Variants in ENGASE observed in about 807,000 individuals in gnomAD.
ENGASE encodes endo-beta-N-acetylglucosaminidase.
Under a neutral mutation model 78.5 loss-of-function variants are expected in ENGASE, and 69 were observed. The ratio of observed to expected loss-of-function variants is 0.88; its 90% CI spans 0.72 to 1.07. The LOEUF is 1.07. Among genes scored for constraint, ENGASE ranks in the 50% least tolerant of loss-of-function variants. ENGASE has a pLI of 0.00. For missense variants in ENGASE, 943 were observed against 988.4 expected (o/e 0.95, Z 0.62); for synonymous variants, 408 against 408.9 (o/e 1.00, Z 0.03).
chr17:79,085,787 T>C (rs1011750648), intron 13 of ENGASE, 53 bp downstream of exon 13: 2 of 1,603,982 alleles, frequency 1.2e-6, no homozygotes, highest in African/African-American at 1.3e-5. Flanking sequence ...CCAGCTGGAG[T>C]GGGGGTGGAG....
chr17:79,082,457 G>A, intron 7 of ENGASE: 1 of 1,210,362 alleles, frequency 8.3e-7, no homozygotes, highest in Non-Finnish European at 1.0e-6. Flanking sequence ...CGAGGACGGG[G>A]GAGGTGCCCA....
At position 79,075,131 on chromosome 17, in the gene ENGASE, T is replaced by A. The variant is rs1472141582; in HGVS notation, c.146+41T>A. 2.5e-6 allele frequency: 3 copies of A among 1,200,650 alleles called. No individual in the cohort carries two copies. In the African/African-American group the frequency reaches 4.8e-5, roughly 19 times the overall value. 74.4% of individuals were successfully genotyped at this position (1,200,650 alleles called of 1,614,324 possible). On this transcript the variant is annotated intron_variant, in intron 1 of 13. Transcript: ENST00000579016. Reference sequence around the variant, plus strand: ...CCGCGTGAACCCCGATCCGCGGGGCTGAGAGTCCGTGGCCCCGGGGCCCGA... The same window carrying A: ...CCGCGTGAACCCCGATCCGCGGGGCAGAGAGTCCGTGGCCCCGGGGCCCGA...
chr17:79,076,249 T>A (rs2072965942), intron 1 of ENGASE, among the ~76,000 whole-genome samples: 1 of 152,194 alleles, frequency 6.6e-6, no homozygotes, highest in African/African-American at 2.4e-5. Context: ...CACTGCGGTG[T>A]CTTCTTACTG....
In ENGASE at chr17:79,086,168, C is replaced by T; in HGVS notation, c.2051C>T (p.Pro684Leu). ...PGRELPRPEM[P>L]MFLGLAFATQ... is the part of the protein sequence containing the mutation. The stretch of plus-strand genomic sequence containing the variant: ...AGGGAGCTGCCGAGGCCAGAGATGC[C>T]CATGTTCCTGGGGTTGGCTTTTGCC... Residue 684 changes from proline to leucine, a missense_variant, in exon 14 of 14, where the codon CCC becomes CTC. Pro to Leu is a moderately conservative substitution (Grantham distance 98). Coordinates refer to ENST00000579016, the MANE Select transcript of ENGASE (RefSeq NM_001042573.3). 2 of 1,613,788 alleles carry T rather than the reference C, an allele frequency of 1.2e-6. No individual in the cohort carries two copies. The highest frequency in any genetic ancestry group is 1.7e-6 in the Non-Finnish European group (2 of 1,180,024).
intron 7 of ENGASE, chr17:79,082,302 C>A: frequency 7.0e-7 from 1 of 1,438,418 alleles, no homozygotes; most frequent in Admixed American, 2.2e-5. Flanking sequence ...GTGGGTGTTA[C>A]CAGACAGAGG....
intron 4 of ENGASE, 76 bp from the exon 5 acceptor site, chr17:79,080,131 G>A (rs2073088320): frequency 6.6e-7 from 1 of 1,507,802 alleles, no homozygotes; most frequent in Non-Finnish European, 8.9e-7. Context: ...GCTGGTTCGA[G>A]AACCTCGCTT....
At position 79,079,677 on chromosome 17, in the gene ENGASE, T is replaced by A. The variant is rs1329183333; in HGVS notation, c.565+40T>A. On this transcript the variant is annotated intron_variant, in intron 4 of 13. Coordinates refer to ENST00000579016, the MANE Select transcript of ENGASE (RefSeq NM_001042573.3). ...CTCACCTCTGTGTCAGCCAGACTCC[T>A]CAGCTCACCAGCCAGGGGACCCCGT... The A allele has an allele frequency of 2.5e-6, 4 of 1,595,044 alleles. No individual in the cohort carries two copies. In the Admixed American group the frequency reaches 7.0e-5, roughly 28 times the overall value.
In ENGASE at chr17:79,085,326, G is replaced by T. The variant is rs114968464; in HGVS notation, c.1684G>T (p.Gly562Trp). 1.2e-6 allele frequency: 2 copies of T among 1,611,702 alleles called. No homozygotes were observed. Among genetic ancestry groups the T allele is most frequent in the African/African-American group, 1.3e-5 (1 of 74,876 alleles). The change falls in exon 12 of 14, where the codon GGG becomes TGG. Residue 562 changes from glycine to tryptophan, a missense_variant. Coordinates refer to ENST00000579016, the MANE Select transcript of ENGASE (RefSeq NM_001042573.3). ...WVGRCGRQLS[G>W]GWVQHCYEVS... ...GGGCCGCTGCGGCCGGCAGCTGAGTGGGGGCTGGGTCCAGCAGTAAGTCCC... is the reference window on the plus strand; with the variant it reads ...GGGCCGCTGCGGCCGGCAGCTGAGTTGGGGCTGGGTCCAGCAGTAAGTCCC...
At chr17:79,077,563 C>T (rs1568085954) in intron 2 of ENGASE, 66 bp downstream of exon 2, 2 of 1,559,928 alleles carry the variant, frequency 1.3e-6, no homozygotes, top group Non-Finnish European at 1.7e-6. Flanking sequence ...CAGGTCAGCC[C>T]CTGCCCCCTC....
chr17:79,080,381 C>T lies in ENGASE; in HGVS notation c.723+17C>T. 2 of 1,610,788 alleles carry T rather than the reference C, an allele frequency of 1.2e-6. No individual in the cohort carries two copies. Among genetic ancestry groups the T allele is most frequent in the Non-Finnish European group, 1.7e-6 (2 of 1,179,652 alleles). On this transcript the variant is annotated intron_variant, in intron 5 of 13. Transcript: ENST00000579016. ...TCGCTGAGTGTGAGTGCCCAGCCCT[C>T]ACCCACCTCCCCGCCCCTTGCTGTG...
Position 79,082,326 on chromosome 17 carries a change from C to T in ENGASE, c.1038+263C>T, listed in dbSNP as rs755517159. The T allele has an allele frequency of 1.2e-4, 156 of 1,351,518 alleles. No homozygotes were observed. The Middle Eastern group carries it at 2.0e-3, about 17-fold the overall frequency. The allele number at this position is 1,351,518 out of a possible 1,614,324, so 83.7% of individuals were successfully genotyped here. On this transcript the variant is annotated intron_variant, in intron 7 of 13. Transcript: ENST00000579016. The stretch of plus-strand genomic sequence containing the variant: ...ACCAGACAGAGGCGCGTCGTTCCCC[C>T]GCTGTCCGGTCCTCGGCGGGCCTGG...
At chr17:79,080,066 C>T in intron 4 of ENGASE, 141 bp from the exon 5 acceptor site, 1 of 850,118 alleles carries the variant, frequency 1.2e-6, no homozygotes, top group Non-Finnish European at 1.8e-6. Context: ...GTGTCTGATT[C>T]ACGGGATATA....
intron 2 of ENGASE, 65 bp downstream of exon 2, chr17:79,077,562 C>A (rs1401313275): frequency 1.3e-6 from 2 of 1,551,312 alleles, no homozygotes; most frequent in African/African-American, 2.7e-5. Flanking sequence ...GCAGGTCAGC[C>A]CCTGCCCCCT....
rs751547079 is a variant in ENGASE at position 79,077,872 on chromosome 17, C to A, written c.416+8C>A. The A allele has an allele frequency of 1.9e-6, 3 of 1,609,696 alleles. No homozygotes were observed. In the African/African-American group the frequency reaches 4.0e-5, roughly 22 times the overall value. ...CGGGTACCTGGATGACAGGTGAGGA[C>A]CTGGCCTTACATTGATGTTGCTTAC... On this transcript the variant is annotated splice_region_variant and intron_variant, in intron 3 of 13. Coordinates refer to ENST00000579016, the MANE Select transcript of ENGASE (RefSeq NM_001042573.3).
At position 79,080,939 on chromosome 17, in the gene ENGASE, G is replaced by T. The variant is rs2073117731; in HGVS notation, c.738G>T (p.Gly246=). 1 of 1,612,718 alleles carries T rather than the reference G, an allele frequency of 6.2e-7. No individual in the cohort carries two copies. The highest frequency in any genetic ancestry group is 8.5e-7 in the Non-Finnish European group (1 of 1,179,344). ...TTCTCTTTCAGCTGGCCGCTGTGGGGAACATGCCTCCTTTCCTGCGGTACC... is the reference window on the plus strand; with the variant it reads ...TTCTCTTTCAGCTGGCCGCTGTGGGTAACATGCCTCCTTTCCTGCGGTACC... ...IENSLSLAAV[G]NMPPFLRYLT... The change falls in exon 6 of 14, where the codon GGG becomes GGT. Residue 246 remains glycine, a synonymous_variant. Transcript: ENST00000579016.
chr17:79,080,412 G>GCCCA (rs1568088615), intron 5 of ENGASE, 48 bp downstream of exon 5: 1 of 1,591,356 alleles, frequency 6.3e-7, no homozygotes. Context: ...CTGTGTTGCC[G>GCCCA]CCCACCTCCA....
rs528386813 is a variant in ENGASE at position 79,085,311 on chromosome 17, G to A, written c.1669G>A (p.Gly557Ser). 188 of 1,612,646 alleles carry A rather than the reference G, an allele frequency of 1.2e-4. No homozygotes were observed. Among genetic ancestry groups the A allele is most frequent in the Non-Finnish European group, 1.4e-4 (171 of 1,179,700 alleles). The part of the protein sequence containing the change: ...TKLARWVGRC[G>S]RQLSGGWVQH... ...GCTGGCCAGATGGGTGGGCCGCTGC[G>A]GCCGGCAGCTGAGTGGGGGCTGGGT... Residue 557 changes from glycine to serine, a missense_variant, in exon 12 of 14, where the codon GGC (glycine) becomes AGC (serine). Gly to Ser is a moderately conservative substitution (Grantham distance 56, BLOSUM62 0). Transcript: ENST00000579016.
In ENGASE at chr17:79,080,926, T is replaced by G; in HGVS notation, c.725T>G (p.Leu242Arg). 1.9e-6 allele frequency: 3 copies of G among 1,610,400 alleles called. No individual in the cohort carries two copies. The highest frequency in any genetic ancestry group is 2.5e-6 in the Non-Finnish European group (3 of 1,177,914). The change falls in exon 6 of 14, where the codon CTG becomes CGG. Residue 242 changes from leucine to arginine, a missense_variant and splice_region_variant. Leu to Arg is a moderately radical substitution (Grantham distance 102). Coordinates refer to ENST00000579016, the MANE Select transcript of ENGASE (RefSeq NM_001042573.3). Reference protein sequence around the residue: ...WLINIENSLSLAAVGNMPPFL... With the variant: ...WLINIENSLSRAAVGNMPPFL... Reference sequence around the variant, plus strand: ...TCTCACCTTGTTCTTCTCTTTCAGCTGGCCGCTGTGGGGAACATGCCTCCT... The same window carrying G: ...TCTCACCTTGTTCTTCTCTTTCAGCGGGCCGCTGTGGGGAACATGCCTCCT...
intron 11 of ENGASE, 96 bp from the exon 12 acceptor site, chr17:79,085,138 A>G: frequency 1.1e-6 from 1 of 933,864 alleles, no homozygotes; most frequent in Non-Finnish European, 1.8e-6. Flanking sequence ...CGAATCAGGC[A>G]GCCTTCTCTG....
Sources: gnomAD v4.1 joint callset for allele counts (sites outside exome capture counted in the v4.1 genomes callset) on GRCh38, gnomAD v4.1.1 for gene constraint, MANE v1.5 for transcripts, NCBI Gene and HGNC (gene_info 2026-07-23, HGNC 2026-07-21) for gene names.